MTA3: variants seen among roughly 807,000 people sequenced by gnomAD.
The protein encoded by MTA3 is metastasis associated 1 family member 3.
In MTA3, 34 loss-of-function variants were observed where a neutral mutation model predicts 83.5. The observed-to-expected ratio is 0.41, with a 90% CI of 0.31 to 0.54. MTA3 has a LOEUF of 0.54. Ranked by LOEUF, MTA3 falls within the 20% of genes least tolerant of loss-of-function variation. The pLI, the probability that MTA3 is intolerant of heterozygous loss-of-function variation, is 0.33. For synonymous variants in MTA3, 303 were observed against 252.7 expected, an observed-to-expected ratio of 1.20 and a Z score of -1.89; for missense variants, 761 against 726.4, an observed-to-expected ratio of 1.05 and a Z score of -0.55.
chr2:42,503,719 T>G lies in MTA3; in HGVS notation c.-141+8465T>G, dbSNP rs928731895. Among the ~76,000 whole-genome samples, 3 of 152,110 alleles carry G rather than the reference T, an allele frequency of 2.0e-5. No homozygotes were observed. In the East Asian group the frequency reaches 5.8e-4, roughly 29 times the overall value. ...TAAGAGGGGCTCCTGTTCCTTCTCA[T>G]GGCCTCAAAGCCAGGTGTGGTAGTG... On this transcript the variant is annotated intron_variant, in intron 2 of 17. Coordinates refer to the MTA3 transcript ENST00000405592.
chr2:42,691,830 A>G (rs1057179526), intron 9 of MTA3, among the ~76,000 whole-genome samples: 8 of 152,194 alleles, frequency 5.3e-5, no homozygotes, highest in African/African-American at 1.7e-4. Flanking sequence ...CACTTTAAAT[A>G]TGTCGTGCCA....
At chr2:42,623,766 C>T (rs919048827) in intron 4 of MTA3, among the ~76,000 whole-genome samples, 4 of 150,138 alleles carry the variant, frequency 2.7e-5, no homozygotes, top group Admixed American at 2.0e-4. Flanking sequence ...TCTCTGCTCA[C>T]GGCAAACTCC....
chr2:42,639,988 G>A (rs1476836604), intron 4 of MTA3, among the ~76,000 whole-genome samples, 185 bp from the exon 5 acceptor site: 1 of 152,054 alleles, frequency 6.6e-6, no homozygotes, highest in Non-Finnish European at 1.5e-5. Flanking sequence ...TATAAAGACA[G>A]CCTTATTTTA....
At chr2:42,739,758 G>A (rs1573818488) in intron 16 of MTA3, among the ~76,000 whole-genome samples, 2 of 152,224 alleles carry the variant, frequency 1.3e-5, no homozygotes, top group Admixed American at 6.5e-5. Context: ...CTAAGTTTAT[G>A]TAATATTCTA....
chr2:42,695,978 A>G, intron 10 of MTA3, 139 bp downstream of exon 10: 1 of 567,510 alleles, frequency 1.8e-6, no homozygotes, highest in South Asian at 2.7e-5. Context: ...ACATGATTTC[A>G]TATCTTTAGG....
At chr2:42,525,603 T>TTCCCTTCCTTCCTTCCTTCC in intron 2 of MTA3, among the ~76,000 whole-genome samples, 1 of 95,506 alleles carries the variant, frequency 1.0e-5, no homozygotes, top group Non-Finnish European at 2.2e-5. Flanking sequence ...CCTTCCTTCC[T>TTCCCTTCCTTCCTTCCTTCC]TTCCTTCCTT....
chr2:42,683,502 A>C (rs116241804), intron 9 of MTA3, among the ~76,000 whole-genome samples: 1 of 152,254 alleles, frequency 6.6e-6, no homozygotes, highest in Non-Finnish European at 1.5e-5. Flanking sequence ...CAGGTGCATT[A>C]CGTTTATTGT....
chr2:42,640,213 G>A lies in MTA3; in HGVS notation c.358G>A (p.Val120Ile), dbSNP rs756330823. 66 of 1,607,816 alleles carry A rather than the reference G, an allele frequency of 4.1e-5. No individual in the cohort carries two copies. Among genetic ancestry groups the A allele is most frequent in the Middle Eastern group, 1.7e-4 (1 of 5,930 alleles). Reference sequence around the variant, plus strand: ...TGCCCTTCTGAATGAGACAGAATCAGTATTGTCATATCTTGATAAGGAGGT... The same window carrying A: ...TGCCCTTCTGAATGAGACAGAATCAATATTGTCATATCTTGATAAGGAGGT... ...SVALLNETES[V>I]LSYLDKEDTF... Residue 120 changes from valine (V) to isoleucine (I), a missense_variant, in exon 5 of 17, where the codon GTA becomes ATA. Physicochemically the swap from Val to Ile is conservative, Grantham distance 29. Transcript: ENST00000405094.
chr2:42,700,492 G>A (rs901950946), intron 11 of MTA3, among the ~76,000 whole-genome samples: 2 of 152,090 alleles, frequency 1.3e-5, no homozygotes, highest in Admixed American at 6.6e-5. Context: ...ATCAAATAAC[G>A]TTCTAGATTC....
chr2:42,518,476 G>A (rs1381092796), intron 2 of MTA3, among the ~76,000 whole-genome samples: 1 of 152,188 alleles, frequency 6.6e-6, no homozygotes, highest in East Asian at 1.9e-4. Flanking sequence ...GAATAACAAA[G>A]TAGTATTGCG....
chr2:42,609,480 A>C lies in MTA3; in HGVS notation c.213A>C (p.Glu71Asp). The change falls in exon 4 of 17, where the codon GAA becomes GAC. Residue 71 changes from glutamate (E) to aspartate (D), a missense_variant. Coordinates refer to ENST00000405094, the MANE Select transcript of MTA3 (RefSeq NM_001330442.2). ...TAGAAGAAATTGAGGAAGAATCTGAAACAACAGTTGAGGCTGACTTGACCG... is the reference window on the plus strand; with the variant it reads ...TAGAAGAAATTGAGGAAGAATCTGACACAACAGTTGAGGCTGACTTGACCG... Reference protein sequence around the residue: ...KHAKEIEEESETTVEADLTDK... With the variant: ...KHAKEIEEESDTTVEADLTDK... The C allele has an allele frequency of 6.2e-7, 1 of 1,613,842 alleles. No individual in the cohort carries two copies. The highest frequency in any genetic ancestry group is 1.3e-5 in the African/African-American group (1 of 75,054).
chr2:42,651,815 G>A lies in MTA3; in HGVS notation c.500-4385G>A, dbSNP rs115315261. ...ACCTTGTCTCAAAAAAAAAAAAGAG[G>A]CTGGGCATGGTGGCTCACTCGTAAT... On this transcript the variant is annotated intron_variant, in intron 6 of 16. Coordinates refer to ENST00000405094, the MANE Select transcript of MTA3 (RefSeq NM_001330442.2). 3.1e-3 allele frequency among the ~76,000 whole-genome samples: 472 copies of A among 151,766 alleles called. 1 individual carries two copies. The highest frequency in any genetic ancestry group is 0.011 in the African/African-American group (450 of 41,388).
chr2:42,623,435 T>G (rs1685766625), intron 4 of MTA3, among the ~76,000 whole-genome samples: 1 of 152,182 alleles, frequency 6.6e-6, no homozygotes, highest in South Asian at 2.1e-4. Flanking sequence ...GAATAAAGCT[T>G]ATGTCACGCC....
chr2:42,571,676 G>A (rs1231563121), intron 2 of MTA3, among the ~76,000 whole-genome samples: 3 of 152,050 alleles, frequency 2.0e-5, no homozygotes, highest in African/African-American at 7.2e-5. Flanking sequence ...GGGCGGGTGC[G>A]GTGGCTCACG....
chr2:42,534,689 G>GA (rs1279167974), intron 2 of MTA3, among the ~76,000 whole-genome samples: 1 of 152,062 alleles, frequency 6.6e-6, no homozygotes, highest in Non-Finnish European at 1.5e-5. Flanking sequence ...CTCTCCTAAG[G>GA]AAAAAAATAG....
chr2:42,691,697 G>T (rs1446960363), intron 9 of MTA3, among the ~76,000 whole-genome samples: 1 of 152,058 alleles, frequency 6.6e-6, no homozygotes, highest in Non-Finnish European at 1.5e-5. Flanking sequence ...CTTCTTATTG[G>T]ACAGGTCTAG....
chr2:42,695,613 C>T (rs1276533278), intron 9 of MTA3, among the ~76,000 whole-genome samples, 152 bp from the exon 10 acceptor site: 1 of 72,384 alleles, frequency 1.4e-5, no homozygotes, highest in Non-Finnish European at 2.4e-5. Context: ...TCAGCCTGGG[C>T]AACAAAGTGA....
In MTA3 at chr2:42,753,355, T is replaced by A; in HGVS notation, c.1760-19T>A. ...ATCGGGACTTGTTTAACCTTCACAC[T>A]GTTACTTCCCTTTTCTAGAACTCAC... On this transcript the variant is annotated intron_variant, in intron 16 of 16. Coordinates refer to ENST00000405094, the MANE Select transcript of MTA3 (RefSeq NM_001330442.2). The A allele has an allele frequency of 6.4e-7, 1 of 1,550,564 alleles. No homozygotes were observed. The highest frequency in any genetic ancestry group is 1.2e-5 in the South Asian group (1 of 84,068).
chr2:42,632,785 A>G (rs1245477604), intron 4 of MTA3, among the ~76,000 whole-genome samples: 2 of 152,048 alleles, frequency 1.3e-5, no homozygotes, highest in African/African-American at 2.4e-5. Context: ...TTGGCTTTTC[A>G]TTCCTCTACT....
Sources: allele counts gnomAD v4.1 joint callset (sites outside exome capture counted in the v4.1 genomes callset), GRCh38; gene constraint gnomAD v4.1.1; transcripts MANE v1.5; gene names NCBI Gene and HGNC (gene_info 2026-07-23, HGNC 2026-07-21).